Variants in RSPO2 observed in about 807,000 individuals in gnomAD.
RSPO2 encodes the protein R-spondin-2.
RSPO2 carries 14 observed loss-of-function variants against 30.9 expected under a neutral mutation model. The observed-to-expected ratio is 0.45, with a 90% CI of 0.30 to 0.71. RSPO2 has a LOEUF of 0.71. Among genes scored for constraint, RSPO2 ranks in the 30% least tolerant of loss-of-function variants. The pLI is 0.08. For missense variants in RSPO2, 264 were observed against 301.9 expected (o/e 0.87, Z 0.93); for synonymous variants, 107 against 96.4 (o/e 1.11, Z -0.64).
In RSPO2 at chr8:108,079,802, A is replaced by G. The variant is rs909399328; in HGVS notation, c.94+2743T>C. Among the ~76,000 whole-genome samples, 6 of 150,568 alleles carry G rather than the reference A, an allele frequency of 4.0e-5. No homozygotes were observed. The East Asian group carries it at 1.0e-3, about 25-fold the overall frequency. ...GCCAAGAAAATAACTAATCTTCCAA[A>G]CTACAACACCTTTTATAAAAAATAC... On this transcript the variant is annotated intron_variant, in intron 2 of 5. Coordinates refer to ENST00000276659, the MANE Select transcript of RSPO2 (RefSeq NM_178565.5).
At chr8:107,942,187 C>G (rs563564933) in intron 5 of RSPO2, among the ~76,000 whole-genome samples, 17 of 152,322 alleles carry the variant, frequency 1.1e-4, no homozygotes, top group Admixed American at 1.0e-3. Flanking sequence ...AAAGTAGGGT[C>G]TCTTCCAATT....
chr8:108,058,387 T>G (rs552910847), intron 2 of RSPO2, among the ~76,000 whole-genome samples: 4 of 152,120 alleles, frequency 2.6e-5, no homozygotes, highest in Non-Finnish European at 4.4e-5. Flanking sequence ...TACTCATGGG[T>G]AGGAAGAATC....
intron 2 of RSPO2, among the ~76,000 whole-genome samples, chr8:108,003,309 ATATTTTTTTTTTTTT>A (rs1815339278): frequency 3.5e-4 from 6 of 16,910 alleles, no homozygotes; most frequent in South Asian, 3.1e-3. Context: ...ATATATATAT[ATATTTTTTTTTTTTT>A]TTTTTTTTTT....
intron 2 of RSPO2, among the ~76,000 whole-genome samples, chr8:108,071,348 T>C (rs757377329): frequency 3.2e-4 from 49 of 152,208 alleles, no homozygotes; most frequent in Non-Finnish European, 6.2e-4. Flanking sequence ...TGATGTAACT[T>C]ACTGACCACC....
At chr8:108,012,291 A>C (rs1810732332) in intron 2 of RSPO2, among the ~76,000 whole-genome samples, 1 of 152,192 alleles carries the variant, frequency 6.6e-6, no homozygotes, top group Non-Finnish European at 1.5e-5. Context: ...CTAGAAGCTG[A>C]ATCTCAGACT....
intron 2 of RSPO2, among the ~76,000 whole-genome samples, chr8:108,068,827 G>A (rs941613426): frequency 6.6e-6 from 1 of 152,202 alleles, no homozygotes; most frequent in Non-Finnish European, 1.5e-5. Flanking sequence ...TCCTCCCCTA[G>A]AGTCTCAGAG....
In RSPO2 at chr8:108,081,340, G is replaced by A. The variant is rs1207146587; in HGVS notation, c.94+1205C>T. 2.6e-5 allele frequency among the ~76,000 whole-genome samples: 4 copies of A among 152,182 alleles called. No individual in the cohort carries two copies. The East Asian group carries it at 7.7e-4, about 29-fold the overall frequency. Reference sequence around the variant, plus strand: ...CTCCTCAAAATCTGGATGCAGGAGCGGAGATTACACACAATGAGTTATAAA... The same window carrying A: ...CTCCTCAAAATCTGGATGCAGGAGCAGAGATTACACACAATGAGTTATAAA... On this transcript the variant is annotated intron_variant, in intron 2 of 5. Coordinates refer to ENST00000276659, the MANE Select transcript of RSPO2 (RefSeq NM_178565.5).
intron 5 of RSPO2, among the ~76,000 whole-genome samples, chr8:107,950,731 C>T (rs1338028545): frequency 6.9e-6 from 1 of 143,940 alleles, no homozygotes; most frequent in Non-Finnish European, 1.5e-5. Context: ...ACTGCCTTTA[C>T]ATTTTTAGGT....
intron 2 of RSPO2, among the ~76,000 whole-genome samples, chr8:108,045,482 C>T (rs1474584510): frequency 6.6e-6 from 1 of 151,948 alleles, no homozygotes; most frequent in African/African-American, 2.4e-5. Context: ...TACATTAGTC[C>T]ATGTATTAGA....
At chr8:107,991,249 A>AAC (rs60247229) in intron 2 of RSPO2, among the ~76,000 whole-genome samples, 25,540 of 133,232 alleles carry the variant, frequency 0.19, 2,388 homozygotes, top group East Asian at 0.33. Flanking sequence ...CTCCATCTCA[A>AAC]ACACACACAC....
intron 2 of RSPO2, among the ~76,000 whole-genome samples, chr8:108,025,817 T>A (rs935733465): frequency 6.6e-6 from 1 of 152,120 alleles, no homozygotes; most frequent in Non-Finnish European, 1.5e-5. Flanking sequence ...CCACTACACC[T>A]GGCCAAAAAC....
At chr8:108,035,823 A>C (rs1482037348) in intron 2 of RSPO2, among the ~76,000 whole-genome samples, 1 of 152,112 alleles carries the variant, frequency 6.6e-6, no homozygotes, top group Non-Finnish European at 1.5e-5. Context: ...AGACTGTTTC[A>C]GTTTCGCTGG....
chr8:107,971,645 A>G (rs1814003390), intron 3 of RSPO2, among the ~76,000 whole-genome samples: 1 of 152,210 alleles, frequency 6.6e-6, no homozygotes, highest in Admixed American at 6.5e-5. Flanking sequence ...TGGTGTATCC[A>G]TACAGGTGCT....
chr8:108,030,026 T>C (rs927214143), intron 2 of RSPO2, among the ~76,000 whole-genome samples: 2 of 148,926 alleles, frequency 1.3e-5, no homozygotes, highest in African/African-American at 2.5e-5. Context: ...ATAACAGAAA[T>C]GACCCTCTCC....
At chr8:108,075,876 T>C (rs1451735766) in intron 2 of RSPO2, among the ~76,000 whole-genome samples, 1 of 152,060 alleles carries the variant, frequency 6.6e-6, no homozygotes, top group Non-Finnish European at 1.5e-5. Context: ...TTCCACTACA[T>C]TTTGTGGAGA....
chr8:108,042,138 G>A (rs56813956), intron 2 of RSPO2, among the ~76,000 whole-genome samples: 4,758 of 152,078 alleles, frequency 0.031, 241 homozygotes, highest in African/African-American at 0.11. Context: ...AGGTCACTTC[G>A]TCAGGTAATT....
chr8:108,052,212 A>C (rs1370384250), intron 2 of RSPO2, among the ~76,000 whole-genome samples: 1 of 152,174 alleles, frequency 6.6e-6, no homozygotes, highest in African/African-American at 2.4e-5. Context: ...ATTACTTTTT[A>C]TAAGTATATT....
intron 2 of RSPO2, among the ~76,000 whole-genome samples, chr8:108,038,991 G>C (rs1019095139): frequency 6.6e-6 from 1 of 152,078 alleles, no homozygotes; most frequent in Non-Finnish European, 1.5e-5. Context: ...TAAATGCTTT[G>C]CTAAGTGTCT....
At chr8:108,039,744 T>C (rs1811697274) in intron 2 of RSPO2, among the ~76,000 whole-genome samples, 1 of 151,954 alleles carries the variant, frequency 6.6e-6, no homozygotes, top group African/African-American at 2.4e-5. Flanking sequence ...GTCAAGCACA[T>C]GTATGCTTTG....
Sources: allele counts gnomAD v4.1 joint callset (sites outside exome capture counted in the v4.1 genomes callset), GRCh38; gene constraint gnomAD v4.1.1; transcripts MANE v1.5; gene names NCBI Gene and HGNC (gene_info 2026-07-23, HGNC 2026-07-21).